Variants in TJP2 observed in about 807,000 individuals in gnomAD.
TJP2 encodes Friedreich ataxia region gene X104 (tight junction protein ZO-2).
In TJP2, 91 loss-of-function variants were observed where a neutral mutation model predicts 133.1. The observed-to-expected ratio is 0.68, with a 90% CI of 0.58 to 0.81. The LOEUF (loss-of-function observed/expected upper bound fraction) is 0.81. Ranked by LOEUF, TJP2 falls within the 40% of genes least tolerant of loss-of-function variation. The probability of loss-of-function intolerance (pLI) is 0.00; values close to 1 mark genes in which losing one functional copy is unlikely to be tolerated. For synonymous variants in TJP2, 592 were observed against 583.4 expected, an observed-to-expected ratio of 1.01 and a Z score of -0.21; for missense variants, 1,541 against 1,565.6, an observed-to-expected ratio of 0.98 and a Z score of 0.26.
intron 1 of TJP2, among the ~76,000 whole-genome samples, chr9:69,175,370 C>T (rs1825006219): frequency 6.6e-6 from 1 of 152,206 alleles, no homozygotes; most frequent in South Asian, 2.1e-4. Context: ...TCGTTTTCTT[C>T]AGCTCCCCAG....
At chr9:69,226,403 C>T (rs572840792) in intron 7 of TJP2, among the ~76,000 whole-genome samples, 2 of 152,272 alleles carry the variant, frequency 1.3e-5, no homozygotes, top group South Asian at 2.1e-4. Context: ...TCTCAGAGAA[C>T]TATTAATTAG....
At chr9:69,179,511 C>CTTTTT (rs563179558) in intron 1 of TJP2, among the ~76,000 whole-genome samples, 6 of 139,114 alleles carry the variant, frequency 4.3e-5, no homozygotes, top group Admixed American at 1.4e-4. Flanking sequence ...CTTTTTCTTT[C>CTTTTT]TTTTTTTTTT....
rs750807102 is a variant in TJP2, at chr9:69,238,714, G to C, written c.2280G>C (p.Thr760=). The change falls in exon 16 of 23, where the codon ACG becomes ACC. Residue 760 remains threonine (T), a synonymous_variant. Transcript: ENST00000377245. The part of the protein sequence containing the change: ...ELPDWFQTAK[T]EPKDAGSEKS... ...TTCCTGTTTTTGCTTTTGCAGAAAC[G>C]GAACCAAAAGATGCAGGATCTGAGA... 6.2e-7 allele frequency: 1 copy of C among 1,613,630 alleles called. No individual in the cohort carries two copies. The highest frequency in any genetic ancestry group is 1.7e-5 in the Admixed American group (1 of 60,000).
intron 5 of TJP2, among the ~76,000 whole-genome samples, 173 bp downstream of exon 5, chr9:69,221,669 T>C (rs1203516777): frequency 1.3e-5 from 2 of 151,732 alleles, no homozygotes; most frequent in Non-Finnish European, 2.9e-5. Flanking sequence ...TTCTCCTGCC[T>C]CAGCCTCCTG....
At chr9:69,130,563 G>A (rs1822449775) in intron 1 of TJP2, among the ~76,000 whole-genome samples, 1 of 152,084 alleles carries the variant, frequency 6.6e-6, no homozygotes, top group Non-Finnish European at 1.5e-5. Context: ...GCTGCTCTGG[G>A]AATCCCGCTT....
At position 69,228,128 on chromosome 9, in the gene TJP2, A is replaced by G; in HGVS notation, c.1453+14A>G. The G allele has an allele frequency of 6.3e-7, 1 of 1,593,180 alleles. No individual in the cohort carries two copies. ...AGGACCCCCCAGGTGAGCCATTAAG[A>G]CCACTCAGTTTCAACAGTTGTGTTC... is the stretch of plus-strand genomic sequence containing the variant. On this transcript the variant is annotated intron_variant, in intron 9 of 22. Transcript: ENST00000377245.
chr9:69,242,678 T>C (rs908542729), intron 17 of TJP2, among the ~76,000 whole-genome samples: 1 of 152,164 alleles, frequency 6.6e-6, no homozygotes, highest in Non-Finnish European at 1.5e-5. Flanking sequence ...TACAGTACTC[T>C]TCCAGACTTC....
At chr9:69,244,581 G>A (rs1830798117) in intron 17 of TJP2, among the ~76,000 whole-genome samples, 1 of 152,198 alleles carries the variant, frequency 6.6e-6, no homozygotes, top group Non-Finnish European at 1.5e-5. Flanking sequence ...ATAACCCAGA[G>A]GTTAGGAGCA....
chr9:69,205,796 A>G (rs779057583), intron 1 of TJP2, among the ~76,000 whole-genome samples: 1 of 152,140 alleles, frequency 6.6e-6, no homozygotes, highest in African/African-American at 2.4e-5. Flanking sequence ...TTTGACCTCC[A>G]TCACTGGGCA....
chr9:69,218,277 T>C lies in TJP2; in HGVS notation c.260T>C (p.Met87Thr). ...TACAGAGAAAATGACAGAGTGGTCA[T>C]GGTCAATGGCACCCCCATGGAGGAT... is the stretch of plus-strand genomic sequence containing the variant. ...GLLQENDRVVMVNGTPMEDVL... is the reference protein window; with the variant it reads ...GLLQENDRVVTVNGTPMEDVL... Residue 87 changes from methionine to threonine, a missense_variant, in exon 4 of 23, where the codon ATG becomes ACG. Physicochemically the swap from Met to Thr is moderately conservative, Grantham distance 81. Coordinates refer to ENST00000377245, the MANE Select transcript of TJP2 (RefSeq NM_004817.4). 1 of 1,614,168 alleles carries C rather than the reference T, an allele frequency of 6.2e-7. No individual in the cohort carries two copies. Among genetic ancestry groups the C allele is most frequent in the African/African-American group, 1.3e-5 (1 of 75,062 alleles).
At chr9:69,170,254 A>G (rs2132906635), upstream of TJP2, among the ~76,000 whole-genome samples, 1 of 152,320 alleles carries the variant, frequency 6.6e-6, no homozygotes, top group East Asian at 1.9e-4. Flanking sequence ...AAATATATGC[A>G]CAAGCCTGTC....
chr9:69,241,082 C>A (rs893121436), intron 17 of TJP2, among the ~76,000 whole-genome samples: 6 of 152,082 alleles, frequency 3.9e-5, no homozygotes, highest in African/African-American at 1.4e-4. Flanking sequence ...TTGATATGTA[C>A]ATCGGAGTTC....
In TJP2 at chr9:69,228,050, G is replaced by A. The variant is rs1484313952; in HGVS notation, c.1389G>A (p.Gly463=). ...CACCCACTCCCTTTAAGTCCACAGG[G>A]GATATTGCAGGCACAGTTGTCCCAG... is the stretch of plus-strand genomic sequence containing the variant. ...GATPTPFKST[G]DIAGTVVPET... The change falls in exon 9 of 23, where the codon GGG becomes GGA. Residue 463 remains glycine (G), a synonymous_variant. Coordinates refer to ENST00000377245, the MANE Select transcript of TJP2 (RefSeq NM_004817.4). 2 of 1,613,750 alleles carry A rather than the reference G, an allele frequency of 1.2e-6. No homozygotes were observed. The highest frequency in any genetic ancestry group is 1.7e-5 in the Admixed American group (1 of 59,936).
intron 4 of TJP2, among the ~76,000 whole-genome samples, chr9:69,220,257 G>T (rs572842853): frequency 1.3e-5 from 2 of 152,174 alleles, no homozygotes; most frequent in Non-Finnish European, 2.9e-5. Flanking sequence ...ACATTAATAT[G>T]ATTTGTAAAA....
At position 69,196,139 on chromosome 9, in the gene TJP2, T is replaced by C. The variant is rs1317985004; in HGVS notation, c.61-16409T>C. On this transcript the variant is annotated intron_variant, in intron 1 of 22. Coordinates refer to ENST00000377245, the MANE Select transcript of TJP2 (RefSeq NM_004817.4). ...CACTGAGCCCAGCTGGGATTTCTTT[T>C]GGTGTGAAGGCCAGTGATCAGTCAC... Among the ~76,000 whole-genome samples, 3 of 152,152 alleles carry C rather than the reference T, an allele frequency of 2.0e-5. 1 individual carries two copies. The highest frequency in any genetic ancestry group is 7.2e-5 in the African/African-American group (3 of 41,418).
At chr9:69,189,146 A>G (rs9411199) in intron 1 of TJP2, among the ~76,000 whole-genome samples, 137,239 of 152,136 alleles carry the variant, frequency 0.9, 62,006 homozygotes, top group Middle Eastern at 0.95. Context: ...TTTGATTGGG[A>G]ATGAAGATAG....
chr9:69,203,607 A>AT (rs754221310), intron 1 of TJP2, among the ~76,000 whole-genome samples: 2,359 of 67,714 alleles, frequency 0.035, 189 homozygotes, highest in African/African-American at 0.085. Context: ...CCCAGCCTGG[A>AT]TTTTTTTTTT....
rs1453281626 is a variant in TJP2 at position 69,225,457 on chromosome 9, C to T, written c.1056+50C>T. Reference sequence around the variant, plus strand: ...GTAGTGTGCATACTGCCGTTCATCGCCTGCATGTCCACATTCAGCACCCAC... The same window carrying T: ...GTAGTGTGCATACTGCCGTTCATCGTCTGCATGTCCACATTCAGCACCCAC... On this transcript the variant is annotated intron_variant, in intron 6 of 22. Transcript: ENST00000377245. 4.1e-6 allele frequency: 5 copies of T among 1,215,546 alleles called. No individual in the cohort carries two copies. The African/African-American group carries it at 4.5e-5, about 11-fold the overall frequency. The allele number at this position is 1,215,546 out of a possible 1,614,324, so 75.3% of individuals were successfully genotyped here.
At chr9:69,249,127 T>C in intron 19 of TJP2, 1 of 1,303,482 alleles carries the variant, frequency 7.7e-7, no homozygotes, top group Non-Finnish European at 9.8e-7. Flanking sequence ...CACAAGAGAT[T>C]TTAGACTTTT....
Sources: allele counts gnomAD v4.1 joint callset (sites outside exome capture counted in the v4.1 genomes callset), GRCh38; gene constraint gnomAD v4.1.1; transcripts MANE v1.5; gene names NCBI Gene and HGNC (gene_info 2026-07-23, HGNC 2026-07-21).